Variants in PANK1 observed in about 807,000 individuals in gnomAD.
The protein encoded by PANK1 is pantothenate kinase 1, also known as pantothenic acid kinase 1.
In PANK1, 18 loss-of-function variants were observed where a neutral mutation model predicts 40.1. The ratio of observed to expected loss-of-function variants is 0.45; its 90% CI spans 0.31 to 0.67. The LOEUF is 0.67. Among genes scored for constraint, PANK1 ranks in the 30% least tolerant of loss-of-function variants. The pLI is 0.06. For synonymous variants in PANK1, 242 were observed against 237.7 expected (o/e 1.02, Z -0.17); for missense variants, 457 against 599.6 (o/e 0.76, Z 2.48).
intron 1 of PANK1, among the ~76,000 whole-genome samples, chr10:89,624,663 T>C (rs912999617): frequency 1.3e-5 from 2 of 152,258 alleles, no homozygotes; most frequent in Non-Finnish European, 2.9e-5. Context: ...ATTTATTTTT[T>C]TTAGTGACTG....
intron 1 of PANK1, chr10:89,625,725 G>A (rs1310630585): frequency 7.8e-6 from 1 of 128,258 alleles, no homozygotes; most frequent in Admixed American, 8.8e-5. Flanking sequence ...TTATTTTGTA[G>A]GTTAAGATAA....
intron 3 of PANK1, among the ~76,000 whole-genome samples, chr10:89,596,253 ATC>A (rs1844601222): frequency 6.6e-6 from 1 of 152,162 alleles, no homozygotes; most frequent in African/African-American, 2.4e-5. Context: ...GCTTCTAAAT[ATC>A]TGTCATCCCC....
At chr10:89,637,776 TA>T (rs1841863549) in intron 1 of PANK1, among the ~76,000 whole-genome samples, 1 of 152,238 alleles carries the variant, frequency 6.6e-6, no homozygotes, top group African/African-American at 2.4e-5. Context: ...TAGCTTACTA[TA>T]ACAGTTTTAC....
intron 1 of PANK1, among the ~76,000 whole-genome samples, chr10:89,634,845 T>C (rs564239489): frequency 6.6e-6 from 1 of 152,316 alleles, no homozygotes; most frequent in Admixed American, 6.5e-5. Context: ...AGACAGGGTA[T>C]GCTAAACTTG....
intron 1 of PANK1, chr10:89,626,270 G>A (rs1253490539): frequency 2.0e-5 from 3 of 151,382 alleles, no homozygotes; most frequent in Non-Finnish European, 2.9e-5. Context: ...TAGAAGATGA[G>A]TATAAGTATC....
chr10:89,584,891 A>C (rs1055951101), intron 6 of PANK1, among the ~76,000 whole-genome samples: 4 of 152,206 alleles, frequency 2.6e-5, no homozygotes, highest in African/African-American at 9.7e-5. Flanking sequence ...AGAAAACCCT[A>C]AACTTCCCTC....
chr10:89,637,020 C>T (rs1220306845), intron 1 of PANK1, among the ~76,000 whole-genome samples: 1 of 150,748 alleles, frequency 6.6e-6, no homozygotes, highest in Non-Finnish European at 1.5e-5. Flanking sequence ...CGCCACCACG[C>T]CTGGCTATTT....
chr10:89,593,854 G>A lies in PANK1; in HGVS notation c.1035C>T (p.Asp345=). 1.2e-6 allele frequency: 2 copies of A among 1,613,898 alleles called. No individual in the cohort carries two copies. The highest frequency in any genetic ancestry group is 1.7e-6 in the Non-Finnish European group (2 of 1,179,800). The part of the protein sequence containing the change: ...DKLVKDIYGG[D]YERFGLQGSA... ...ATCCTTGAAGGCCAAATCGTTCATAGTCTCCTCCGTAAATGTCCTTCACCA... is the reference window on the plus strand; with the variant it reads ...ATCCTTGAAGGCCAAATCGTTCATAATCTCCTCCGTAAATGTCCTTCACCA... The change falls in exon 4 of 7, where the codon GAC becomes GAT. Residue 345 remains aspartate, a synonymous_variant. Coordinates refer to ENST00000307534, the MANE Select transcript of PANK1 (RefSeq NM_148977.3).
intron 1 of PANK1, among the ~76,000 whole-genome samples, chr10:89,627,548 C>T (rs141404230): frequency 4.5e-4 from 68 of 152,224 alleles, no homozygotes; most frequent in Admixed American, 4.6e-4. Context: ...TGTTCCTAGA[C>T]GGTGTGAGGC....
At chr10:89,592,698 A>T (rs766992605) in intron 5 of PANK1, 4 of 532,492 alleles carry the variant, frequency 7.5e-6, no homozygotes. Context: ...CACCAGCTCC[A>T]CCCCTTTTTG....
chr10:89,599,531 A>C, intron 2 of PANK1, 26 bp from the exon 3 acceptor site: 1 of 1,599,206 alleles, frequency 6.3e-7, no homozygotes, highest in Non-Finnish European at 8.5e-7. Context: ...CAACAAAATA[A>C]AACCTTGTGA....
downstream of PANK1, chr10:89,581,154 GGC>G (rs1273597675): frequency 5.3e-5 from 8 of 151,736 alleles, no homozygotes; most frequent in Non-Finnish European, 1.2e-4. Flanking sequence ...GACTGATGTT[GGC>G]TTGAGATTTT....
chr10:89,628,994 C>T (rs1841554595), intron 1 of PANK1, among the ~76,000 whole-genome samples: 1 of 152,146 alleles, frequency 6.6e-6, no homozygotes, highest in African/African-American at 2.4e-5. Flanking sequence ...TCACTGCTGT[C>T]AGTGTTACTG....
intron 1 of PANK1, among the ~76,000 whole-genome samples, chr10:89,620,680 T>C (rs1284801424): frequency 1.3e-5 from 2 of 152,200 alleles, no homozygotes; most frequent in Non-Finnish European, 1.5e-5. Flanking sequence ...TTTATTGCCC[T>C]TTCAAGCATG....
At chr10:89,606,948 T>C (rs573566947) in intron 2 of PANK1, among the ~76,000 whole-genome samples, 2 of 152,352 alleles carry the variant, frequency 1.3e-5, no homozygotes, top group Admixed American at 1.3e-4. Context: ...TGATCTTTAA[T>C]CCAGATGACT....
intron 1 of PANK1, among the ~76,000 whole-genome samples, chr10:89,618,414 G>A (rs1460042282): frequency 6.6e-6 from 1 of 152,196 alleles, no homozygotes; most frequent in East Asian, 1.9e-4. Flanking sequence ...ATGTAGAAAT[G>A]ACTTTATATC....
chr10:89,596,231 C>T (rs1336022981), intron 3 of PANK1, among the ~76,000 whole-genome samples: 4 of 152,096 alleles, frequency 2.6e-5, no homozygotes, highest in Non-Finnish European at 5.9e-5. Flanking sequence ...GATGTCTTTG[C>T]TTCCATTTCT....
At chr10:89,586,389 T>G (rs1028548728) in intron 6 of PANK1, among the ~76,000 whole-genome samples, 1 of 152,160 alleles carries the variant, frequency 6.6e-6, no homozygotes, top group African/African-American at 2.4e-5. Flanking sequence ...TAATCAGGTA[T>G]TCTGGCTGTG....
At chr10:89,618,323 G>T (rs11185800) in intron 1 of PANK1, among the ~76,000 whole-genome samples, 22,889 of 152,056 alleles carry the variant, frequency 0.15, 2,161 homozygotes, top group East Asian at 0.45. Context: ...ACAATGTGTG[G>T]GGGGGTGGTG....
Sources: allele counts gnomAD v4.1 joint callset (sites outside exome capture counted in the v4.1 genomes callset), GRCh38; gene constraint gnomAD v4.1.1; transcripts MANE v1.5; gene names NCBI Gene and HGNC (gene_info 2026-07-23, HGNC 2026-07-21).